Variants in EPB41L1 observed in about 807,000 individuals in gnomAD.
The protein encoded by EPB41L1 is erythrocyte membrane protein band 4.1 like 1.
In EPB41L1, 29 loss-of-function variants were observed where a neutral mutation model predicts 97.8. That is an observed-to-expected ratio of 0.30 (90% CI 0.22 to 0.40). EPB41L1 has a LOEUF of 0.40. EPB41L1 is among the 10% of genes least tolerant of loss of function. EPB41L1 has a pLI of 1.00. For synonymous variants in EPB41L1, 383 were observed against 459.2 expected (o/e 0.83, Z 2.12); for missense variants, 812 against 1,162.3 (o/e 0.70, Z 4.38).
intron 1 of EPB41L1, among the ~76,000 whole-genome samples, chr20:36,170,625 G>A (rs954133925): frequency 1.3e-5 from 2 of 152,186 alleles, no homozygotes; most frequent in African/African-American, 4.8e-5. Context: ...CCTTTGGGGG[G>A]TTCTGTTGGG....
chr20:36,188,581 AACAC>A (rs55990020), intron 9 of EPB41L1, 82 bp downstream of exon 9: 6,955 of 465,330 alleles, frequency 0.015, 264 homozygotes, highest in African/African-American at 0.028. Flanking sequence ...CTGGACTGCC[AACAC>A]ACACACACAC....
rs530201163 is a variant in EPB41L1, at chr20:36,223,098, G to A, written c.2637+704G>A. On this transcript the variant is annotated intron_variant, in intron 21 of 21. Transcript: ENST00000338074. The stretch of plus-strand genomic sequence containing the variant: ...TTTTTAGTAAAGACGTGGTTTCACC[G>A]TGTTAGCCAGGATAGTCTCGATCCC... Among the ~76,000 whole-genome samples the A allele has an allele frequency of 9.2e-5, 14 of 152,322 alleles. No homozygotes were observed. The South Asian group carries it at 2.1e-3, about 23-fold the overall frequency.
chr20:36,140,815 C>G (rs923839735), intron 2 of EPB41L1, among the ~76,000 whole-genome samples: 4 of 152,122 alleles, frequency 2.6e-5, no homozygotes, highest in African/African-American at 9.7e-5. Flanking sequence ...ACAGCCCCCA[C>G]CCCCATGAGA....
intron 1 of EPB41L1, chr20:36,091,800 C>T (rs1313327651): frequency 6.6e-6 from 1 of 152,204 alleles, no homozygotes; most frequent in Non-Finnish European, 1.5e-5. Context: ...GAATTCCTTT[C>T]TTTATCTATA....
At chr20:36,102,040 A>AC (rs1555827195) in intron 1 of EPB41L1, among the ~76,000 whole-genome samples, 5 of 98,506 alleles carry the variant, frequency 5.1e-5, no homozygotes, top group Middle Eastern at 5.2e-3. Context: ...ACAAAACAAA[A>AC]AAAACAAAAA....
chr20:36,222,061 A>T (rs771288763), intron 20 of EPB41L1, 117 bp downstream of exon 20: 2 of 1,193,194 alleles, frequency 1.7e-6, no homozygotes, highest in Non-Finnish European at 2.5e-6. Context: ...CTTCTTGCTG[A>T]CCCTGTTCAG....
chr20:36,104,944 A>T (rs2058141478), intron 1 of EPB41L1, among the ~76,000 whole-genome samples: 1 of 152,138 alleles, frequency 6.6e-6, no homozygotes, highest in Admixed American at 6.5e-5. Context: ...TGAAGGATGT[A>T]CATGACAAGC....
At chr20:36,117,599 T>A (rs2058625878) in intron 2 of EPB41L1, among the ~76,000 whole-genome samples, 1 of 152,206 alleles carries the variant, frequency 6.6e-6, no homozygotes, top group Admixed American at 6.5e-5. Flanking sequence ...GGTATAATTA[T>A]CCCCATTTTG....
At position 36,185,011 on chromosome 20, in the gene EPB41L1, C is replaced by T. The variant is rs532730569; in HGVS notation, c.567-106C>T. On this transcript the variant is annotated intron_variant, in intron 6 of 21. Transcript: ENST00000338074. ...TGAAGCGCCAATGTCTACAAACACA[C>T]TTTTCTGCTGAGCTATGTTCTATTT... 2.2e-3 allele frequency: 2,614 copies of T among 1,163,222 alleles called. 9 individuals carry two copies. Among genetic ancestry groups the T allele is most frequent in the Non-Finnish European group, 2.8e-3 (2,210 of 789,616 alleles). The allele number at this position is 1,163,222 out of a possible 1,614,324, so 72.1% of individuals were successfully genotyped here. A position where few individuals can be genotyped will look rare whatever the true frequency, so the allele number is the denominator to read the frequency against.
chr20:36,099,298 ACCTACTT>A (rs2057933649), intron 1 of EPB41L1, among the ~76,000 whole-genome samples: 1 of 152,166 alleles, frequency 6.6e-6, no homozygotes, highest in African/African-American at 2.4e-5. Flanking sequence ...GGCACTCAAT[ACCTACTT>A]CCTTTCCAGC....
chr20:36,179,751 G>A (rs2061401079), intron 5 of EPB41L1, among the ~76,000 whole-genome samples: 1 of 152,238 alleles, frequency 6.6e-6, no homozygotes, highest in Admixed American at 6.5e-5. Context: ...CATGACAGCG[G>A]GCAGCTGGGC....
At chr20:36,198,995 G>T (rs192222406) in intron 14 of EPB41L1, among the ~76,000 whole-genome samples, 3 of 152,266 alleles carry the variant, frequency 2.0e-5, no homozygotes, top group South Asian at 2.1e-4. Context: ...ACCTTGATGC[G>T]CAGTGTGAGT....
chr20:36,169,612 G>T (rs1372131274), intron 1 of EPB41L1, among the ~76,000 whole-genome samples: 2 of 152,150 alleles, frequency 1.3e-5, no homozygotes, highest in Non-Finnish European at 2.9e-5. Flanking sequence ...GAATGTCAAG[G>T]TCTCCTCTCT....
intron 12 of EPB41L1, among the ~76,000 whole-genome samples, chr20:36,194,692 C>G (rs1470617523): frequency 1.3e-5 from 2 of 152,194 alleles, no homozygotes; most frequent in Non-Finnish European, 2.9e-5. Context: ...CTGCACCACT[C>G]TCTTCCTCCT....
At chr20:36,114,929 A>G (rs2058538030) in intron 2 of EPB41L1, among the ~76,000 whole-genome samples, 1 of 152,054 alleles carries the variant, frequency 6.6e-6, no homozygotes, top group Admixed American at 6.6e-5. Flanking sequence ...CTGTTGGCAG[A>G]CCACGAGAAC....
chr20:36,178,729 G>A lies in EPB41L1; in HGVS notation c.490+57G>A. 5.7e-6 allele frequency: 9 copies of A among 1,569,002 alleles called. No homozygotes were observed. In the South Asian group the frequency reaches 7.8e-5, roughly 14 times the overall value. ...TGGGTGAGGGGATTCCAGGCCATGA[G>A]AGCCCCCCTTGTACTGCTCTCTCCT... On this transcript the variant is annotated intron_variant, in intron 5 of 21. Transcript: ENST00000338074.
chr20:36,214,114 C>T (rs564386326), intron 16 of EPB41L1, among the ~76,000 whole-genome samples: 6 of 152,174 alleles, frequency 3.9e-5, no homozygotes, highest in Admixed American at 2.0e-4. Flanking sequence ...AAAGATTACA[C>T]GCATTGCAAT....
Position 36,194,295 on chromosome 20 carries a change from G to C in EPB41L1, c.1384G>C (p.Gly462Arg). 1 of 1,614,148 alleles carries C rather than the reference G, an allele frequency of 6.2e-7. No individual in the cohort carries two copies. Among genetic ancestry groups the C allele is most frequent in the Non-Finnish European group, 8.5e-7 (1 of 1,180,010 alleles). Residue 462 changes from glycine to arginine, a missense_variant, in exon 12 of 22, where the codon GGG becomes CGG. Gly to Arg is a moderately radical substitution (Grantham distance 125). Coordinates refer to ENST00000338074, the MANE Select transcript of EPB41L1 (RefSeq NM_012156.2). ...GDKRDEDGES[G>R]GQRSEAEEGE... The stretch of plus-strand genomic sequence containing the variant: ...CAAGCGGGATGAGGATGGCGAGTCT[G>C]GGGGGCAACGGTCAGAGGCTGAGGA...
intron 3 of EPB41L1, 24 bp downstream of exon 3, chr20:36,175,739 T>C: frequency 1.2e-6 from 2 of 1,613,520 alleles, no homozygotes; most frequent in Non-Finnish European, 1.7e-6. Flanking sequence ...GAGTGCCATA[T>C]GTCCCGTCCC....
Sources: allele counts gnomAD v4.1 joint callset (sites outside exome capture counted in the v4.1 genomes callset), GRCh38; gene constraint gnomAD v4.1.1; transcripts MANE v1.5; gene names NCBI Gene and HGNC (gene_info 2026-07-23, HGNC 2026-07-21).